Variants in MAMDC2 observed in about 807,000 individuals in gnomAD.
The protein encoded by MAMDC2 is MAM domain containing 2, also known as MAM domain-containing protein 2.
A neutral mutation model predicts 89.8 loss-of-function variants in MAMDC2; 57 were observed. That is an observed-to-expected ratio of 0.63 (90% CI 0.51 to 0.79). The LOEUF (loss-of-function observed/expected upper bound fraction) is 0.79, where lower values mean the gene tolerates loss of function less well. Among genes scored for constraint, MAMDC2 ranks in the 30% least tolerant of loss-of-function variants. MAMDC2 has a pLI of 0.00. For synonymous variants in MAMDC2, 313 were observed against 293.4 expected, an observed-to-expected ratio of 1.07 and a Z score of -0.68; for missense variants, 800 against 820.6, an observed-to-expected ratio of 0.97 and a Z score of 0.31.
chr9:70,188,144 G>A (rs1317003927), intron 11 of MAMDC2, among the ~76,000 whole-genome samples: 1 of 152,048 alleles, frequency 6.6e-6, no homozygotes, highest in Non-Finnish European at 1.5e-5. Flanking sequence ...TCTTTTTTGG[G>A]AACTGCATGA....
rs112678872 is a variant in MAMDC2, at chr9:70,170,664, G to A, written c.1651+33G>A. On this transcript the variant is annotated intron_variant, in intron 11 of 13. Coordinates refer to ENST00000377182, the MANE Select transcript of MAMDC2 (RefSeq NM_153267.5). Reference sequence around the variant, plus strand: ...ATGCCACGTGGTGCTGTTTCCTAAGGAAAGCTTCTAAAATAGCATTCTAGG... The same window carrying A: ...ATGCCACGTGGTGCTGTTTCCTAAGAAAAGCTTCTAAAATAGCATTCTAGG... 16 of 1,532,550 alleles carry A rather than the reference G, an allele frequency of 1.0e-5. No homozygotes were observed. In the African/African-American group the frequency reaches 1.3e-4, roughly 12 times the overall value. 94.9% of individuals were successfully genotyped at this position (1,532,550 alleles called of 1,614,324 possible).
At chr9:70,044,744 G>T in intron 2 of MAMDC2, 47 bp downstream of exon 2, 1 of 1,393,056 alleles carries the variant, frequency 7.2e-7, no homozygotes. Context: ...TTTCTTCCTT[G>T]ATGGCTTGCT....
chr9:70,173,497 A>G (rs2032413259), intron 11 of MAMDC2, among the ~76,000 whole-genome samples: 1 of 152,182 alleles, frequency 6.6e-6, no homozygotes, highest in Non-Finnish European at 1.5e-5. Flanking sequence ...GTATCTATTT[A>G]TTGCAAGAGG....
At chr9:70,054,929 A>G (rs547988773) in intron 2 of MAMDC2, among the ~76,000 whole-genome samples, 23 of 152,118 alleles carry the variant, frequency 1.5e-4, no homozygotes, top group African/African-American at 5.3e-4. Context: ...AAACAAAAAC[A>G]AGGCCAGGCA....
At chr9:70,088,853 T>C (rs1563947996) in intron 2 of MAMDC2, 3 of 152,070 alleles carry the variant, frequency 2.0e-5, no homozygotes, top group Admixed American at 6.6e-5. Flanking sequence ...GAGACTGCTA[T>C]TTACGACTTA....
intron 9 of MAMDC2, among the ~76,000 whole-genome samples, chr9:70,156,336 G>A (rs1402600238): frequency 1.3e-5 from 2 of 152,108 alleles, no homozygotes; most frequent in East Asian, 1.9e-4. Context: ...AAGTTCACTC[G>A]AATAGAAGAG....
intron 11 of MAMDC2, among the ~76,000 whole-genome samples, chr9:70,200,234 T>C (rs942859416): frequency 6.6e-6 from 1 of 151,696 alleles, no homozygotes; most frequent in African/African-American, 2.4e-5. Context: ...TTGTATAAGG[T>C]GTAAGGAAGG....
chr9:70,075,579 C>G (rs1458930731), intron 2 of MAMDC2, among the ~76,000 whole-genome samples: 2 of 152,176 alleles, frequency 1.3e-5, no homozygotes, highest in Non-Finnish European at 2.9e-5. Flanking sequence ...CGTGAGGAAA[C>G]AGACATTTAT....
intron 3 of MAMDC2, 100 bp downstream of exon 3, chr9:70,108,582 T>C (rs1307399136): frequency 9.7e-7 from 1 of 1,035,984 alleles, no homozygotes; most frequent in African/African-American, 1.6e-5. Flanking sequence ...AGTTATCTCC[T>C]GGATTATGAC....
At chr9:70,117,965 A>G (rs962841152) in intron 5 of MAMDC2, among the ~76,000 whole-genome samples, 1 of 152,194 alleles carries the variant, frequency 6.6e-6, no homozygotes, top group African/African-American at 2.4e-5. Flanking sequence ...CAGACAAAAG[A>G]TTACCTTGGT....
chr9:70,125,946 A>G (rs2030517305), intron 5 of MAMDC2, among the ~76,000 whole-genome samples: 2 of 152,222 alleles, frequency 1.3e-5, no homozygotes, highest in Non-Finnish European at 2.9e-5. Context: ...TCCTGTATTT[A>G]GCAGAGTGCA....
chr9:70,202,295 C>T (rs2033117229), intron 11 of MAMDC2, among the ~76,000 whole-genome samples: 1 of 151,666 alleles, frequency 6.6e-6, no homozygotes, highest in South Asian at 2.1e-4. Context: ...TTATTTCTGC[C>T]TTCATTTCGT....
rs149943577 is a variant in MAMDC2 at position 70,069,744 on chromosome 9, T to A, written c.148+25047T>A. On this transcript the variant is annotated intron_variant, in intron 2 of 13. Coordinates refer to ENST00000377182, the MANE Select transcript of MAMDC2 (RefSeq NM_153267.5). ...CCACACTTTAGCACCTGGGAGGGAA[T>A]GGCTTTGCTTTCTGGAATTTCTTGC... Among the ~76,000 whole-genome samples the A allele has an allele frequency of 1.2e-3, 183 of 152,328 alleles. 1 individual carries two copies. The highest frequency in any genetic ancestry group is 4.2e-3 in the African/African-American group (175 of 41,582).
intron 11 of MAMDC2, among the ~76,000 whole-genome samples, chr9:70,208,795 G>C (rs1199879590): frequency 6.6e-6 from 1 of 152,100 alleles, no homozygotes; most frequent in Non-Finnish European, 1.5e-5. Context: ...ATTATTTTGA[G>C]ATATGTCCCA....
intron 11 of MAMDC2, among the ~76,000 whole-genome samples, chr9:70,196,266 C>A (rs2032973795): frequency 6.6e-6 from 1 of 152,022 alleles, no homozygotes; most frequent in Non-Finnish European, 1.5e-5. Flanking sequence ...CACAGCCACA[C>A]CATATCACCT....
At chr9:70,174,550 G>A (rs531753225) in intron 11 of MAMDC2, among the ~76,000 whole-genome samples, 2 of 152,194 alleles carry the variant, frequency 1.3e-5, no homozygotes, top group East Asian at 3.9e-4. Context: ...AGGTAGAGGG[G>A]ACAGCCATTG....
chr9:70,135,079 T>C (rs1465725306), intron 7 of MAMDC2, among the ~76,000 whole-genome samples: 2 of 152,228 alleles, frequency 1.3e-5, no homozygotes, highest in Non-Finnish European at 2.9e-5. Flanking sequence ...ACACTCCCGC[T>C]AATTAGATTA....
chr9:70,167,457 A>G (rs1242276622), intron 9 of MAMDC2, among the ~76,000 whole-genome samples: 3 of 151,838 alleles, frequency 2.0e-5, no homozygotes, highest in Non-Finnish European at 4.4e-5. Flanking sequence ...CTAGAGCCTA[A>G]AAAAATCAAG....
At position 70,044,618 on chromosome 9, in the gene MAMDC2, T is replaced by G. The variant is rs1412491633; in HGVS notation, c.69T>G (p.Ala23=). The change falls in exon 2 of 14, where the codon GCT becomes GCG. Residue 23 remains alanine, a synonymous_variant. Transcript: ENST00000377182. ...LQLAGALDLP[A]GSCAFEESTC... Reference sequence around the variant, plus strand: ...TCGCCGGTGCCCTCGACCTGCCCGCTGGGTCCTGTGCCTTTGAAGAGAGCA... The same window carrying G: ...TCGCCGGTGCCCTCGACCTGCCCGCGGGGTCCTGTGCCTTTGAAGAGAGCA... 6.4e-7 allele frequency: 1 copy of G among 1,551,186 alleles called. No homozygotes were observed. Among genetic ancestry groups the G allele is most frequent in the South Asian group, 1.2e-5 (1 of 84,026 alleles).
Sources: allele counts gnomAD v4.1 joint callset (sites outside exome capture counted in the v4.1 genomes callset), GRCh38; gene constraint gnomAD v4.1.1; transcripts MANE v1.5; gene names NCBI Gene and HGNC (gene_info 2026-07-23, HGNC 2026-07-21).